The following RABGAP1L variants were observed in gnomAD, a reference collection of about 807,000 sequenced individuals.
The protein encoded by RABGAP1L is rab GTPase-activating protein 1-like.
In RABGAP1L, 63 loss-of-function variants were observed where a neutral mutation model predicts 137.7. That is an observed-to-expected ratio of 0.46 (90% CI 0.37 to 0.56). The LOEUF (loss-of-function observed/expected upper bound fraction) is 0.56, where lower values mean the gene tolerates loss of function less well. Ranked by LOEUF, RABGAP1L falls within the 20% of genes least tolerant of loss-of-function variation. The pLI is 0.00. For missense variants in RABGAP1L, 1,095 were observed against 1,244.0 expected, an observed-to-expected ratio of 0.88 and a Z score of 1.80; for synonymous variants, 431 against 433.7, an observed-to-expected ratio of 0.99 and a Z score of 0.08.
At chr1:174,863,218 A>G (rs1650542138) in intron 19 of RABGAP1L, among the ~76,000 whole-genome samples, 2 of 56,420 alleles carry the variant, frequency 3.5e-5, no homozygotes, top group East Asian at 8.9e-4. Context: ...TAATTTGTAC[A>G]TGAGTTGTTT....
chr1:174,250,835 C>T (rs1288190785), intron 6 of RABGAP1L, among the ~76,000 whole-genome samples: 1 of 152,156 alleles, frequency 6.6e-6, no homozygotes, highest in Non-Finnish European at 1.5e-5. Flanking sequence ...TCTTGTCACC[C>T]AGGCTGGAGT....
chr1:174,242,003 G>C (rs1445436413), intron 5 of RABGAP1L, among the ~76,000 whole-genome samples: 1 of 152,174 alleles, frequency 6.6e-6, no homozygotes. Flanking sequence ...ATTTTAAAAA[G>C]TGCCTATAAC....
intron 19 of RABGAP1L, among the ~76,000 whole-genome samples, chr1:174,888,504 T>G (rs565858822): frequency 3.4e-4 from 52 of 152,312 alleles, no homozygotes; most frequent in African/African-American, 1.2e-3. Context: ...GTGTGATTAT[T>G]TAATGAATCT....
chr1:174,879,639 T>C (rs768138761), intron 19 of RABGAP1L, among the ~76,000 whole-genome samples: 1 of 152,160 alleles, frequency 6.6e-6, no homozygotes, highest in African/African-American at 2.4e-5. Flanking sequence ...TGTTGATAAT[T>C]ATTGAAACTG....
At chr1:174,799,382 G>A (rs958913321) in intron 18 of RABGAP1L, among the ~76,000 whole-genome samples, 3 of 152,096 alleles carry the variant, frequency 2.0e-5, no homozygotes, top group Non-Finnish European at 4.4e-5. Flanking sequence ...CTCTTCTGTA[G>A]CGGTTTCAGT....
intron 18 of RABGAP1L, among the ~76,000 whole-genome samples, chr1:174,808,822 T>A (rs1335830054): frequency 1.3e-5 from 2 of 151,840 alleles, no homozygotes; most frequent in Non-Finnish European, 2.9e-5. Flanking sequence ...CCTGGCTAAT[T>A]TTTTTTATAT....
At chr1:174,177,933 C>A (rs1666025937) in intron 1 of RABGAP1L, among the ~76,000 whole-genome samples, 1 of 152,108 alleles carries the variant, frequency 6.6e-6, no homozygotes, top group Non-Finnish European at 1.5e-5. Flanking sequence ...CAGCTTTGTT[C>A]TTTTTGCTTA....
chr1:174,465,948 C>CA (rs1657249857), intron 13 of RABGAP1L, among the ~76,000 whole-genome samples: 1 of 152,186 alleles, frequency 6.6e-6, no homozygotes, highest in African/African-American at 2.4e-5. Context: ...GAAGGAGACA[C>CA]AAAAATTTAG....
At chr1:174,768,961 T>C (rs1685891570) in intron 18 of RABGAP1L, among the ~76,000 whole-genome samples, 1 of 152,158 alleles carries the variant, frequency 6.6e-6, no homozygotes, top group African/African-American at 2.4e-5. Context: ...CCTGATCTCT[T>C]TTACCCTCTA....
rs1241593692 is a variant in RABGAP1L, at chr1:174,448,479, T to C, written c.1710+54334T>C. On this transcript the variant is annotated intron_variant, in intron 13 of 25. Transcript: ENST00000681986. This position sits in a 1 kb window ranked among gnomAD's most constrained non-coding sequence, Gnocchi z 4.2. ...CAGGTTTTTGGATATATCATCTCAG[T>C]TCTAAAAAGTGTTTCTATGGCATGT... The C allele has an allele frequency of 1.2e-6, 2 of 1,613,740 alleles. No individual in the cohort carries two copies. Among genetic ancestry groups the C allele is most frequent in the Non-Finnish European group, 1.7e-6 (2 of 1,179,784 alleles).
intron 2 of RABGAP1L, among the ~76,000 whole-genome samples, chr1:174,220,064 T>C (rs896659043): frequency 1.3e-5 from 2 of 152,216 alleles, no homozygotes; most frequent in African/African-American, 4.8e-5. Context: ...AATCAGTGGC[T>C]TTATTTTTAG....
chr1:174,812,056 AT>A, intron 19 of RABGAP1L, 96 bp downstream of exon 19: 1 of 1,166,364 alleles, frequency 8.6e-7, no homozygotes, highest in Non-Finnish European at 1.1e-6. Flanking sequence ...GCAAGGTTTG[AT>A]TATGTTTAAG....
intron 18 of RABGAP1L, among the ~76,000 whole-genome samples, chr1:174,797,055 A>G (rs566822891): frequency 3.9e-5 from 6 of 152,142 alleles, no homozygotes; most frequent in Non-Finnish European, 8.8e-5. Context: ...CATAGTATAT[A>G]TGATTTTAAC....
intron 13 of RABGAP1L, among the ~76,000 whole-genome samples, chr1:174,543,822 T>C (rs1278386286): frequency 6.6e-6 from 1 of 152,226 alleles, no homozygotes; most frequent in African/African-American, 2.4e-5. Flanking sequence ...TTTGCTTGTC[T>C]GTAAAGGATT....
chr1:174,436,140 G>A (rs1451436820), intron 13 of RABGAP1L, among the ~76,000 whole-genome samples: 3 of 152,154 alleles, frequency 2.0e-5, no homozygotes, highest in South Asian at 2.1e-4. Flanking sequence ...CTTTATAGCA[G>A]CATGATTTAT....
intron 13 of RABGAP1L, among the ~76,000 whole-genome samples, chr1:174,546,978 A>C (rs990808178): frequency 4.3e-5 from 6 of 138,596 alleles, no homozygotes; most frequent in Non-Finnish European, 9.1e-5. Flanking sequence ...TGCAGTGAGC[A>C]GAGATCGCGC....
At chr1:174,485,386 G>A (rs1240983204) in intron 13 of RABGAP1L, among the ~76,000 whole-genome samples, 1 of 152,148 alleles carries the variant, frequency 6.6e-6, no homozygotes, top group African/African-American at 2.4e-5. Flanking sequence ...TTGAATAACA[G>A]TGGTGACAGT....
chr1:174,448,791 T>C lies in RABGAP1L; in HGVS notation c.1710+54646T>C, dbSNP rs757981321. ...GTCTGCTTCACTTACTTCCACATTT[T>C]CAAAATTTGCCGTCAGCACACCAAA... On this transcript the variant is annotated intron_variant, in intron 13 of 25. Coordinates refer to ENST00000681986, the MANE Select transcript of RABGAP1L (RefSeq NM_001366446.1). The surrounding 1 kb of genome is among the most constrained non-coding windows in gnomAD (Gnocchi z 4.2). The C allele has an allele frequency of 6.2e-7, 1 of 1,614,020 alleles. No individual in the cohort carries two copies.
chr1:174,504,977 G>T (rs1310582029), intron 13 of RABGAP1L, among the ~76,000 whole-genome samples: 2 of 152,038 alleles, frequency 1.3e-5, no homozygotes, highest in East Asian at 1.9e-4. Context: ...ATCTGATAAG[G>T]GGTTAATATC....
Sources: gnomAD v4.1 joint callset for allele counts (sites outside exome capture counted in the v4.1 genomes callset) on GRCh38, gnomAD v4.1.1 for gene constraint, Gnocchi (gnomAD v3.1) non-coding constraint, MANE v1.5 for transcripts, NCBI Gene and HGNC (gene_info 2026-07-23, HGNC 2026-07-21) for gene names.